Variants in ZNF738 observed in about 807,000 individuals in gnomAD.
The protein encoded by ZNF738 is zinc finger protein 738.
Under a neutral mutation model 9.2 loss-of-function variants are expected in ZNF738, and 10 were observed. The ratio of observed to expected loss-of-function variants is 1.09; its 90% CI spans 0.67 to 1.85. The LOEUF is 1.85. Ranked by LOEUF, ZNF738 falls within the 40% of genes most tolerant of loss-of-function variation. The pLI, the probability that ZNF738 is intolerant of heterozygous loss-of-function variation, is 0.00. For synonymous variants in ZNF738, 113 were observed against 94.5 expected, an observed-to-expected ratio of 1.20 and a Z score of -1.14; for missense variants, 346 against 283.6, an observed-to-expected ratio of 1.22 and a Z score of -1.58.
chr19:21,372,035 C>A (rs554986525), intron 2 of ZNF738: 2 of 152,478 alleles, frequency 1.3e-5, no homozygotes, highest in East Asian at 3.9e-4. Flanking sequence ...CCTCCGCCTC[C>A]CGGGTTCAAG....
chr19:21,385,812 T>A lies in ZNF738; in HGVS notation c.*2138T>A. ...AAGGTTTTTATTGATTCTCATACTTTACTAAAAATAAGGTGATTCATTCTG... is the reference window on the plus strand; with the variant it reads ...AAGGTTTTTATTGATTCTCATACTTAACTAAAAATAAGGTGATTCATTCTG... On this transcript the variant is annotated 3_prime_UTR_variant, in exon 5 of 5. Coordinates refer to ENST00000683779, the MANE Select transcript of ZNF738 (RefSeq NM_001355237.2). Among the ~76,000 whole-genome samples the A allele has an allele frequency of 6.6e-6, 1 of 152,172 alleles. No homozygotes were observed.
At chr19:21,373,445 G>C (rs1188983258) in intron 2 of ZNF738, among the ~76,000 whole-genome samples, 3 of 152,184 alleles carry the variant, frequency 2.0e-5, no homozygotes, top group Non-Finnish European at 2.9e-5. Context: ...GTTTGGTTTT[G>C]ATAGGGAGAG....
At chr19:21,382,555 A>G (rs547955016) in intron 4 of ZNF738, among the ~76,000 whole-genome samples, 2 of 152,288 alleles carry the variant, frequency 1.3e-5, no homozygotes, top group South Asian at 4.1e-4. Context: ...TTCTAAAGGC[A>G]TTATGTTATA....
At chr19:21,360,084 C>T (rs1029652215) in intron 1 of ZNF738, among the ~76,000 whole-genome samples, 16 of 152,048 alleles carry the variant, frequency 1.1e-4, no homozygotes, top group African/African-American at 3.6e-4. Context: ...TGAAAATTTC[C>T]TGGTTATGTA....
intron 2 of ZNF738, among the ~76,000 whole-genome samples, chr19:21,362,706 A>T (rs1973716738): frequency 6.6e-6 from 1 of 152,226 alleles, no homozygotes; most frequent in Non-Finnish European, 1.5e-5. Context: ...GATTCAAAAA[A>T]ATTAATCATA....
intron 2 of ZNF738, among the ~76,000 whole-genome samples, chr19:21,366,547 A>G (rs1195178346): frequency 6.6e-6 from 1 of 152,202 alleles, no homozygotes; most frequent in East Asian, 1.9e-4. Context: ...AGAAGTCTTG[A>G]TCCATACCCC....
rs554654241 is a variant in ZNF738, at chr19:21,385,221, C to G, written c.*1547C>G. On this transcript the variant is annotated 3_prime_UTR_variant, in exon 5 of 5. Coordinates refer to ENST00000683779, the MANE Select transcript of ZNF738 (RefSeq NM_001355237.2). ...CCTGTAATCCCAGCACTTTGGGAGG[C>G]TGAGGCAGGCAGATCACCTGGTCAA... 1.3e-5 allele frequency among the ~76,000 whole-genome samples: 2 copies of G among 152,224 alleles called. No individual in the cohort carries two copies. The highest frequency in any genetic ancestry group is 6.5e-5 in the Admixed American group (1 of 15,280).
intron 2 of ZNF738, among the ~76,000 whole-genome samples, chr19:21,369,852 C>T (rs1050819277): frequency 6.6e-6 from 1 of 150,664 alleles, no homozygotes; most frequent in Non-Finnish European, 1.5e-5. Flanking sequence ...CTCGCACTCT[C>T]TCACAGGCTG....
chr19:21,380,277 T>TA (rs2033983414), intron 4 of ZNF738, among the ~76,000 whole-genome samples: 1 of 152,196 alleles, frequency 6.6e-6, no homozygotes, highest in South Asian at 2.1e-4. Context: ...ATAAAAATAA[T>TA]ATGATCTCCA....
intron 4 of ZNF738, among the ~76,000 whole-genome samples, chr19:21,380,439 G>C (rs1174850767): frequency 6.6e-6 from 1 of 152,174 alleles, no homozygotes; most frequent in African/African-American, 2.4e-5. Flanking sequence ...CCTGTGGAGT[G>C]GGGGTGGACA....
intron 2 of ZNF738, among the ~76,000 whole-genome samples, chr19:21,373,736 T>C (rs748375424): frequency 6.6e-6 from 1 of 151,804 alleles, no homozygotes; most frequent in Non-Finnish European, 1.5e-5. Flanking sequence ...GAGAATGTCA[T>C]CTGAAAAGCA....
chr19:21,370,753 T>A (rs769432484), intron 2 of ZNF738, among the ~76,000 whole-genome samples: 1 of 152,154 alleles, frequency 6.6e-6, no homozygotes, highest in East Asian at 1.9e-4. Flanking sequence ...TATGAAGGGA[T>A]CTCTTCTTTG....
chr19:21,369,773 A>G (rs1973832382), intron 2 of ZNF738, among the ~76,000 whole-genome samples: 2 of 150,564 alleles, frequency 1.3e-5, no homozygotes. Flanking sequence ...TGGTTACTGT[A>G]ATGTAGTTTG....
chr19:21,373,309 ATGT>A (rs1469334308), intron 2 of ZNF738, among the ~76,000 whole-genome samples: 3 of 152,136 alleles, frequency 2.0e-5, no homozygotes, highest in Non-Finnish European at 4.4e-5. Flanking sequence ...GAAAGTATTC[ATGT>A]TGTTTTAATT....
chr19:21,370,482 T>C (rs963023111), intron 2 of ZNF738, among the ~76,000 whole-genome samples: 4 of 152,216 alleles, frequency 2.6e-5, no homozygotes, highest in Admixed American at 2.0e-4. Flanking sequence ...TTTTTACATC[T>C]GGTGGAATTC....
Position 21,385,165 on chromosome 19 carries a change from A to G in ZNF738, c.*1491A>G, listed in dbSNP as rs184853581. 6.6e-6 allele frequency among the ~76,000 whole-genome samples: 1 copy of G among 152,206 alleles called. No individual in the cohort carries two copies. The highest frequency in any genetic ancestry group is 2.4e-5 in the African/African-American group (1 of 41,544). On this transcript the variant is annotated 3_prime_UTR_variant, in exon 5 of 5. Transcript: ENST00000683779. ...ATGGTCCTCTACCCTTACTAAAGATAAAAGAGTTTGACTGGGTGCGGTGGC... is the reference window on the plus strand; with the variant it reads ...ATGGTCCTCTACCCTTACTAAAGATGAAAGAGTTTGACTGGGTGCGGTGGC...
chr19:21,363,529 G>A (rs548199299), intron 2 of ZNF738, among the ~76,000 whole-genome samples: 163 of 152,276 alleles, frequency 1.1e-3, no homozygotes, highest in African/African-American at 3.8e-3. Context: ...CTTACTGACC[G>A]TGTAGTTGTT....
At chr19:21,372,077 G>A (rs2145229117) in intron 2 of ZNF738, 1 of 152,154 alleles carries the variant, frequency 6.6e-6, no homozygotes, top group East Asian at 1.9e-4. Flanking sequence ...CCGAGTAGCT[G>A]GGATTACAGG....
intron 2 of ZNF738, among the ~76,000 whole-genome samples, chr19:21,371,429 G>GT (rs1973855770): frequency 6.6e-6 from 1 of 152,156 alleles, no homozygotes; most frequent in Admixed American, 6.6e-5. Flanking sequence ...GACATCCTGT[G>GT]TTTTTTTCTC....
Sources: allele counts gnomAD v4.1 joint callset (sites outside exome capture counted in the v4.1 genomes callset), GRCh38; gene constraint gnomAD v4.1.1; transcripts MANE v1.5; gene names NCBI Gene and HGNC (gene_info 2026-07-23, HGNC 2026-07-21).